Variants in NELL1 observed in about 807,000 individuals in gnomAD.
NELL1 encodes protein kinase C-binding protein NELL1.
Under a neutral mutation model 107.4 loss-of-function variants are expected in NELL1, and 76 were observed. The ratio of observed to expected loss-of-function variants is 0.71; its 90% CI spans 0.59 to 0.86. The LOEUF (loss-of-function observed/expected upper bound fraction) is 0.86, where lower values mean the gene tolerates loss of function less well. Ranked by LOEUF, NELL1 falls within the 40% of genes least tolerant of loss-of-function variation. The pLI is 0.00. For synonymous variants in NELL1, 353 were observed against 341.2 expected (o/e 1.03, Z -0.38); for missense variants, 1,024 against 1,005.5 (o/e 1.02, Z -0.25).
chr11:20,814,086 C>G (rs913542446), intron 3 of NELL1, among the ~76,000 whole-genome samples: 1 of 151,896 alleles, frequency 6.6e-6, no homozygotes, highest in Non-Finnish European at 1.5e-5. Context: ...AGCTCCACCT[C>G]CCGGGTTCAT....
intron 13 of NELL1, among the ~76,000 whole-genome samples, chr11:21,179,276 C>T (rs1055993600): frequency 6.6e-6 from 1 of 151,700 alleles, no homozygotes; most frequent in South Asian, 2.1e-4. Context: ...GCAGAAATTT[C>T]GTGTAGAGGA....
chr11:21,544,897 C>A (rs1464485689), intron 16 of NELL1, among the ~76,000 whole-genome samples: 1 of 150,674 alleles, frequency 6.6e-6, no homozygotes, highest in Middle Eastern at 3.4e-3. Flanking sequence ...TTTTTTTTTC[C>A]GTTCTGTGGC....
At chr11:21,253,814 A>G (rs1037949447) in intron 14 of NELL1, among the ~76,000 whole-genome samples, 1 of 152,154 alleles carries the variant, frequency 6.6e-6, no homozygotes, top group Non-Finnish European at 1.5e-5. Context: ...AGCTTCTGCC[A>G]TTGAAGAGAT....
intron 14 of NELL1, among the ~76,000 whole-genome samples, chr11:21,246,485 T>G (rs903236642): frequency 2.6e-5 from 4 of 152,130 alleles, no homozygotes; most frequent in African/African-American, 9.7e-5. Flanking sequence ...GGAGATATGT[T>G]CTGAGAAATG....
rs569748960 is a variant in NELL1, at chr11:20,971,377, C to T, written c.1300+10817C>T. ...AGAAGAAAAAAACAGAAGGGAAAAA[C>T]GTCCCTGCTTTTCAGGGACAAGTCC... On this transcript the variant is annotated intron_variant, in intron 12 of 19. Transcript: ENST00000357134. 8.5e-5 allele frequency among the ~76,000 whole-genome samples: 13 copies of T among 152,182 alleles called. No homozygotes were observed. The South Asian group carries it at 1.9e-3, about 22-fold the overall frequency.
chr11:21,232,157 A>AT lies in NELL1; in HGVS notation c.1549+2703_1549+2704insT, dbSNP rs1284072980. Among the ~76,000 whole-genome samples the AT allele has an allele frequency of 3.4e-3, 174 of 51,004 alleles. 1 individual carries two copies. Among genetic ancestry groups the AT allele is most frequent in the African/African-American group, 0.013 (154 of 12,146 alleles). 33.5% of individuals were successfully genotyped at this position (51,004 alleles called of 152,430 possible). ...TCTACTAAAAAAAAATAAAAAAAAAAAAATATATATATATATATATAAATT... is the reference window on the plus strand; with the variant it reads ...TCTACTAAAAAAAAATAAAAAAAAAATAAATATATATATATATATATAAATT... On this transcript the variant is annotated intron_variant, in intron 14 of 19. Coordinates refer to ENST00000357134, the MANE Select transcript of NELL1 (RefSeq NM_006157.5).
At chr11:21,328,739 T>G (rs530864184) in intron 14 of NELL1, among the ~76,000 whole-genome samples, 25 of 152,278 alleles carry the variant, frequency 1.6e-4, no homozygotes, top group African/African-American at 5.5e-4. Context: ...GGAGCCCACC[T>G]CTTGCATCAG....
At chr11:20,823,293 G>C (rs559272276) in intron 3 of NELL1, among the ~76,000 whole-genome samples, 8 of 151,250 alleles carry the variant, frequency 5.3e-5, no homozygotes, top group Admixed American at 2.7e-4. Context: ...ATCAGATCTC[G>C]TGAGACTTAT....
rs578145529 is a variant in NELL1, at chr11:21,464,017, C to T, written c.1646-70357C>T. Among the ~76,000 whole-genome samples the T allele has an allele frequency of 1.2e-3, 190 of 152,194 alleles. 1 individual carries two copies. Among genetic ancestry groups the T allele is most frequent in the African/African-American group, 4.5e-3 (187 of 41,552 alleles). ...TATCCTCATGTCATTTGGGCTTCCT[C>T]AAAGCATGGTCGCCTAAGGGTATTT... On this transcript the variant is annotated intron_variant, in intron 15 of 19. Transcript: ENST00000357134.
intron 15 of NELL1, among the ~76,000 whole-genome samples, chr11:21,412,631 G>A (rs1046197082): frequency 6.6e-6 from 1 of 152,096 alleles, no homozygotes; most frequent in African/African-American, 2.4e-5. Context: ...GTGTGTCTAC[G>A]GAACATGAAG....
intron 2 of NELL1, among the ~76,000 whole-genome samples, chr11:20,746,666 A>T (rs532517700): frequency 1.1e-4 from 16 of 152,076 alleles, no homozygotes; most frequent in Non-Finnish European, 2.1e-4. Flanking sequence ...TGATTTTCAG[A>T]TAAAGGACAT....
At chr11:21,225,349 C>T (rs1413692728) in intron 13 of NELL1, among the ~76,000 whole-genome samples, 2 of 152,160 alleles carry the variant, frequency 1.3e-5, no homozygotes, top group African/African-American at 4.8e-5. Context: ...CCTGTAAGGG[C>T]TGTGAGGCTC....
intron 12 of NELL1, among the ~76,000 whole-genome samples, chr11:21,077,567 AC>A (rs1358911151): frequency 3.3e-5 from 5 of 151,974 alleles, no homozygotes; most frequent in Non-Finnish European, 7.4e-5. Context: ...ACATGGTGAA[AC>A]CCTGTCTCTA....
At chr11:21,280,866 C>G (rs923391925) in intron 14 of NELL1, among the ~76,000 whole-genome samples, 12 of 152,224 alleles carry the variant, frequency 7.9e-5, no homozygotes, top group Admixed American at 6.5e-4. Flanking sequence ...AGCCTAGGCT[C>G]TAAACAGTCT....
At chr11:21,086,828 CTTTTTTTTTT>C (rs35537964) in intron 12 of NELL1, among the ~76,000 whole-genome samples, 13 of 112,952 alleles carry the variant, frequency 1.2e-4, no homozygotes, top group African/African-American at 3.8e-4. Flanking sequence ...CTTAATGGAT[CTTTTTTTTTT>C]TTTTTTTTTT....
chr11:21,566,121 G>A (rs1856967127), intron 17 of NELL1, among the ~76,000 whole-genome samples: 1 of 151,892 alleles, frequency 6.6e-6, no homozygotes, highest in Non-Finnish European at 1.5e-5. Flanking sequence ...AAATGTAAAT[G>A]AACAAGGGAA....
chr11:21,228,387 A>G (rs1484660180), intron 13 of NELL1, among the ~76,000 whole-genome samples: 1 of 152,118 alleles, frequency 6.6e-6, no homozygotes, highest in Non-Finnish European at 1.5e-5. Context: ...CCATATCACT[A>G]CATGGCAGGC....
intron 14 of NELL1, among the ~76,000 whole-genome samples, chr11:21,279,015 A>G (rs1350131229): frequency 6.6e-6 from 1 of 152,204 alleles, no homozygotes; most frequent in Non-Finnish European, 1.5e-5. Context: ...GAGCAAACAC[A>G]ATATCATGAA....
chr11:21,050,007 G>A (rs4923290), intron 12 of NELL1, among the ~76,000 whole-genome samples: 58,454 of 151,982 alleles, frequency 0.38, 14,187 homozygotes, highest in African/African-American at 0.68. Flanking sequence ...TGTTAATTAA[G>A]CGTTAGTTTG....
Sources: gnomAD v4.1 joint callset for allele counts (sites outside exome capture counted in the v4.1 genomes callset) on GRCh38, gnomAD v4.1.1 for gene constraint, MANE v1.5 for transcripts, NCBI Gene and HGNC (gene_info 2026-07-23, HGNC 2026-07-21) for gene names.